The following C12orf54 variants were observed in gnomAD, a reference collection of about 807,000 sequenced individuals.
The protein encoded by C12orf54 is chromosome 12 open reading frame 54.
In C12orf54, 24 loss-of-function variants were observed where a neutral mutation model predicts 26.4. That is an observed-to-expected ratio of 0.91 (90% CI 0.66 to 1.28). The LOEUF (loss-of-function observed/expected upper bound fraction) is 1.28. Ranked by LOEUF, C12orf54 falls within the 50% of genes most tolerant of loss-of-function variation. The probability of loss-of-function intolerance (pLI) is 0.00; values close to 1 mark genes in which losing one functional copy is unlikely to be tolerated. For synonymous variants in C12orf54, 54 were observed against 47.0 expected, an observed-to-expected ratio of 1.15 and a Z score of -0.61; for missense variants, 154 against 150.9, an observed-to-expected ratio of 1.02 and a Z score of -0.11.
chr12:48,491,392 A>G lies in C12orf54; in HGVS notation c.193+556A>G, dbSNP rs12300165. Among the ~76,000 whole-genome samples, 655 of 152,314 alleles carry G rather than the reference A, an allele frequency of 4.3e-3. 3 individuals carry two copies. Among genetic ancestry groups the G allele is most frequent in the African/African-American group, 0.015 (611 of 41,568 alleles). On this transcript the variant is annotated intron_variant, in intron 6 of 8. Coordinates refer to ENST00000548364, the MANE Select transcript of C12orf54 (RefSeq NM_152319.4). ...CCCTCATAAGCGAATTACCTCCCAA[A>G]GGCCCCACAACTTAATATCATTGCT...
At chr12:48,443,150 T>C in the C12orf54 span, among the ~76,000 whole-genome samples, 1 of 152,220 alleles carries the variant, frequency 6.6e-6, no homozygotes. Flanking sequence ...ACCCCAACCT[T>C]AGATTCTCTC....
At chr12:48,430,288 A>G in the C12orf54 span, among the ~76,000 whole-genome samples, 1,164 of 152,304 alleles carry the variant, frequency 7.6e-3, 23 homozygotes, top group African/African-American at 0.027. Context: ...AGCAATAAAA[A>G]CAAAGATAAA....
the C12orf54 span, among the ~76,000 whole-genome samples, chr12:48,419,490 T>G: frequency 6.6e-6 from 1 of 152,200 alleles, no homozygotes; most frequent in Non-Finnish European, 1.5e-5. Flanking sequence ...AATTTTAATC[T>G]TTCAATGTTC....
At chr12:48,489,425 A>ATCTCTCCCTCTC (rs112862399) in intron 5 of C12orf54, 4 of 247,164 alleles carry the variant, frequency 1.6e-5, no homozygotes, top group Non-Finnish European at 3.2e-5. Flanking sequence ...GTCTCTCTCA[A>ATCTCTCCCTCTC]TCTCTCTCTC....
At chr12:48,418,895 G>T in the C12orf54 span, among the ~76,000 whole-genome samples, 1 of 150,132 alleles carries the variant, frequency 6.7e-6, no homozygotes, top group Non-Finnish European at 1.5e-5. Context: ...ATGTTTGGTT[G>T]TAAGAAGGCA....
chr12:48,429,632 A>G, the C12orf54 span, among the ~76,000 whole-genome samples: 2 of 152,196 alleles, frequency 1.3e-5, no homozygotes, highest in African/African-American at 4.8e-5. Context: ...CTCTACAAGG[A>G]AAACTACAAA....
At chr12:48,483,446 C>T (rs1222296654) in intron 2 of C12orf54, 85 bp downstream of exon 2, 5 of 1,317,694 alleles carry the variant, frequency 3.8e-6, no homozygotes, top group Non-Finnish European at 5.3e-6. Flanking sequence ...TCTTCTATGG[C>T]TCTTCATTTG....
chr12:48,492,366 C>G (rs752255186), intron 6 of C12orf54, among the ~76,000 whole-genome samples: 1 of 152,120 alleles, frequency 6.6e-6, no homozygotes, highest in Non-Finnish European at 1.5e-5. Context: ...ATGCTGATCC[C>G]TAAGGTTCAA....
chr12:48,463,913 G>C, the C12orf54 span, among the ~76,000 whole-genome samples: 1 of 151,944 alleles, frequency 6.6e-6, no homozygotes, highest in African/African-American at 2.4e-5. Flanking sequence ...CAACAAACTA[G>C]GTATTGAAGG....
chr12:48,472,727 AC>A, the C12orf54 span: 14 of 1,614,228 alleles, frequency 8.7e-6, no homozygotes, highest in Non-Finnish European at 1.1e-5. Flanking sequence ...ATGTGAAAGA[AC>A]TTTTCCTGGA....
the C12orf54 span, among the ~76,000 whole-genome samples, chr12:48,471,179 T>C: frequency 6.6e-6 from 1 of 152,186 alleles, no homozygotes; most frequent in South Asian, 2.1e-4. Context: ...ATCCCACAAA[T>C]AAGTGAGAAC....
chr12:48,439,512 T>A, the C12orf54 span, among the ~76,000 whole-genome samples: 29 of 152,226 alleles, frequency 1.9e-4, no homozygotes, highest in African/African-American at 5.8e-4. Flanking sequence ...TGTCCAACAA[T>A]GATAGACTGG....
the C12orf54 span, among the ~76,000 whole-genome samples, chr12:48,469,336 A>G: frequency 1.3e-5 from 2 of 152,328 alleles, no homozygotes; most frequent in African/African-American, 4.8e-5. Context: ...TCGTTTTCCC[A>G]GAGTTATTCC....
At chr12:48,457,615 G>A in the C12orf54 span, among the ~76,000 whole-genome samples, 243 of 152,092 alleles carry the variant, frequency 1.6e-3, 1 homozygote, top group African/African-American at 5.1e-3. Flanking sequence ...CTCTAGTCCC[G>A]GGCTTCTCTG....
At chr12:48,490,149 A>G (rs1937755711) in intron 5 of C12orf54, among the ~76,000 whole-genome samples, 1 of 152,242 alleles carries the variant, frequency 6.6e-6, no homozygotes, top group African/African-American at 2.4e-5. Flanking sequence ...GCCACAAAGA[A>G]TAAAAGATGT....
the C12orf54 span, among the ~76,000 whole-genome samples, chr12:48,418,691 G>T: frequency 6.6e-6 from 1 of 152,102 alleles, no homozygotes; most frequent in Non-Finnish European, 1.5e-5. Flanking sequence ...GGTTTTTGAA[G>T]GTGGTGTATG....
the C12orf54 span, among the ~76,000 whole-genome samples, chr12:48,469,507 A>T: frequency 2.0e-5 from 3 of 151,308 alleles, no homozygotes. Flanking sequence ...CCCAGATTTC[A>T]TATTATTCAA....
the C12orf54 span, among the ~76,000 whole-genome samples, chr12:48,424,721 G>T: frequency 1.1e-3 from 161 of 152,220 alleles, no homozygotes; most frequent in Admixed American, 4.7e-3. Flanking sequence ...CAAGATAGAT[G>T]ATCACATATG....
the C12orf54 span, among the ~76,000 whole-genome samples, chr12:48,467,249 A>C: frequency 6.6e-6 from 1 of 152,228 alleles, no homozygotes; most frequent in South Asian, 2.1e-4. Context: ...GTCTGCAGCC[A>C]GTAAAAGCTA....
Sources: allele counts gnomAD v4.1 joint callset (sites outside exome capture counted in the v4.1 genomes callset), GRCh38; gene constraint gnomAD v4.1.1; transcripts MANE v1.5; gene names NCBI Gene and HGNC (gene_info 2026-07-23, HGNC 2026-07-21).